Variants in PARN observed in about 807,000 individuals in gnomAD.
The protein encoded by PARN is poly(A)-specific ribonuclease PARN.
PARN carries 71 observed loss-of-function variants against 102.8 expected under a neutral mutation model. That is an observed-to-expected ratio of 0.69 (90% confidence interval 0.57 to 0.84). The LOEUF (loss-of-function observed/expected upper bound fraction) is 0.84, where lower values mean the gene tolerates loss of function less well. PARN is among the 40% of genes least tolerant of loss of function. The pLI is 0.00. For synonymous variants in PARN, 261 were observed against 252.9 expected, an observed-to-expected ratio of 1.03 and a Z score of -0.30; for missense variants, 782 against 760.9, an observed-to-expected ratio of 1.03 and a Z score of -0.33.
At chr16:14,457,797 C>CAAAAAAAAAAAAAA (rs35170336) in intron 22 of PARN, among the ~76,000 whole-genome samples, 1 of 30,154 alleles carries the variant, frequency 3.3e-5, no homozygotes, top group Non-Finnish European at 5.4e-5. Flanking sequence ...GACTCTGTCT[C>CAAAAAAAAAAAAAA]AAAAAAAAAA....
intron 6 of PARN, among the ~76,000 whole-genome samples, chr16:14,611,319 T>TA (rs1971507921): frequency 6.6e-6 from 1 of 151,858 alleles, no homozygotes; most frequent in South Asian, 2.1e-4. Context: ...TTGGAGAGAG[T>TA]ATGGAGCAAG....
chr16:14,530,556 AC>A (rs987360555), intron 21 of PARN, among the ~76,000 whole-genome samples: 4 of 151,600 alleles, frequency 2.6e-5, no homozygotes, highest in African/African-American at 9.7e-5. Context: ...AAAAAAAAAA[AC>A]TATATTATAT....
chr16:14,506,001 C>A (rs1596534439), intron 21 of PARN, among the ~76,000 whole-genome samples: 1 of 152,188 alleles, frequency 6.6e-6, no homozygotes, highest in African/African-American at 2.4e-5. Context: ...ATGGAAAAAT[C>A]TGTGACCACT....
chr16:14,518,013 T>C (rs1965541499), intron 21 of PARN, among the ~76,000 whole-genome samples: 1 of 152,080 alleles, frequency 6.6e-6, no homozygotes, highest in Admixed American at 6.6e-5. Context: ...GTTATCTAAT[T>C]TCAATATTCC....
chr16:14,457,566 G>A (rs749520860), intron 22 of PARN, among the ~76,000 whole-genome samples: 6 of 151,958 alleles, frequency 3.9e-5, no homozygotes, highest in African/African-American at 9.7e-5. Context: ...TTGGGAGGCC[G>A]AGGTGGGCAG....
chr16:14,608,970 C>T, intron 8 of PARN, 88 bp downstream of exon 8: 1 of 690,670 alleles, frequency 1.4e-6, no homozygotes. Context: ...CTTTATAAAG[C>T]TGTTTTTAAA....
intron 22 of PARN, among the ~76,000 whole-genome samples, chr16:14,464,799 T>C (rs111993391): frequency 2.6e-5 from 4 of 151,904 alleles, no homozygotes; most frequent in African/African-American, 9.7e-5. Flanking sequence ...AAGACATTTT[T>C]ATACATACAA....
chr16:14,530,329 C>T (rs1443641389), intron 21 of PARN, among the ~76,000 whole-genome samples: 1 of 152,142 alleles, frequency 6.6e-6, no homozygotes, highest in East Asian at 1.9e-4. Context: ...CCAGTTACCT[C>T]TGCTTCCCCC....
chr16:14,485,386 T>A (rs1392059365), intron 21 of PARN, among the ~76,000 whole-genome samples: 2 of 152,246 alleles, frequency 1.3e-5, no homozygotes, highest in Non-Finnish European at 2.9e-5. Context: ...ATGTGGTAAC[T>A]GCTTACTGAG....
intron 18 of PARN, among the ~76,000 whole-genome samples, chr16:14,559,699 C>G (rs1182546392): frequency 6.6e-6 from 1 of 152,174 alleles, no homozygotes; most frequent in Non-Finnish European, 1.5e-5. Flanking sequence ...CAATCCTACA[C>G]TATCTTGTTT....
rs527519635 is a variant in PARN, at chr16:14,447,239, T to C, written c.1671-158A>G. Among the ~76,000 whole-genome samples, 5 of 152,348 alleles carry C rather than the reference T, an allele frequency of 3.3e-5. No homozygotes were observed. The South Asian group carries it at 1.0e-3, about 32-fold the overall frequency. On this transcript the variant is annotated intron_variant, in intron 22 of 23. Coordinates refer to ENST00000437198, the MANE Select transcript of PARN (RefSeq NM_002582.4). ...TGTGTAAAAATTAAAGACCTTATTA[T>C]GAACTGAAGTCTGAAAGTTTACCTA...
chr16:14,473,436 G>A (rs549349161), intron 22 of PARN, among the ~76,000 whole-genome samples: 1 of 152,302 alleles, frequency 6.6e-6, no homozygotes, highest in African/African-American at 2.4e-5. Flanking sequence ...TAAATCTACA[G>A]TCCTTTCCAA....
At chr16:14,547,154 T>C (rs1468558130) in intron 21 of PARN, among the ~76,000 whole-genome samples, 1 of 150,976 alleles carries the variant, frequency 6.6e-6, no homozygotes, top group East Asian at 2.0e-4. Context: ...AATTCTCAAA[T>C]GGTGAAGGTA....
intron 22 of PARN, among the ~76,000 whole-genome samples, chr16:14,457,088 G>C (rs1961714785): frequency 6.6e-6 from 1 of 152,180 alleles, no homozygotes; most frequent in African/African-American, 2.4e-5. Flanking sequence ...ATAAGTGAAA[G>C]CTACCTCCCT....
At chr16:14,485,732 C>T (rs1014282997) in intron 21 of PARN, among the ~76,000 whole-genome samples, 6 of 152,052 alleles carry the variant, frequency 3.9e-5, no homozygotes, top group East Asian at 3.9e-4. Context: ...CTGCCGCCTA[C>T]GCTGGAGTAT....
At chr16:14,465,272 C>G in intron 22 of PARN, among the ~76,000 whole-genome samples, 1 of 152,214 alleles carries the variant, frequency 6.6e-6, no homozygotes, top group East Asian at 1.9e-4. Flanking sequence ...TTTGTAGAGA[C>G]AGAGTCTTTC....
chr16:14,613,637 C>T (rs1567452288), intron 6 of PARN, among the ~76,000 whole-genome samples: 1 of 152,026 alleles, frequency 6.6e-6, no homozygotes, highest in Non-Finnish European at 1.5e-5. Flanking sequence ...ACAATAACAA[C>T]AAAGCCATGG....
intron 22 of PARN, among the ~76,000 whole-genome samples, chr16:14,454,776 A>G (rs1278483077): frequency 2.0e-5 from 3 of 152,226 alleles, no homozygotes. Context: ...GAATTCCCAA[A>G]TCATAAAATA....
At chr16:14,593,232 A>G in intron 13 of PARN, 69 bp downstream of exon 13, 1 of 854,344 alleles carries the variant, frequency 1.2e-6, no homozygotes, top group South Asian at 1.4e-5. Flanking sequence ...AGTTAAAAGC[A>G]TCATAATAAT....
Sources: allele counts gnomAD v4.1 joint callset (sites outside exome capture counted in the v4.1 genomes callset), GRCh38; gene constraint gnomAD v4.1.1; transcripts MANE v1.5; gene names NCBI Gene and HGNC (gene_info 2026-07-23, HGNC 2026-07-21).